OCLN: variants seen among roughly 807,000 people sequenced by gnomAD.
OCLN encodes the protein occludin, also known as phosphatase 1, regulatory subunit 115.
OCLN carries 21 observed loss-of-function variants against 47.9 expected under a neutral mutation model. The ratio of observed to expected loss-of-function variants is 0.44; its 90% CI spans 0.31 to 0.63. The LOEUF (loss-of-function observed/expected upper bound fraction) is 0.63. OCLN is among the 30% of genes least tolerant of loss of function. The pLI is 0.08. For synonymous variants in OCLN, 117 were observed against 198.4 expected, an observed-to-expected ratio of 0.59 and a Z score of 3.45; for missense variants, 360 against 571.0, an observed-to-expected ratio of 0.63 and a Z score of 3.77.
At chr5:69,513,810 G>T in intron 3 of OCLN, 138 bp from the exon 4 acceptor site, 1 of 765,658 alleles carries the variant, frequency 1.3e-6, no homozygotes, top group Non-Finnish European at 2.2e-6. Context: ...GTAACTATTT[G>T]CTTCAGTTTT....
intron 4 of OCLN, among the ~76,000 whole-genome samples, chr5:69,520,563 A>T (rs1029076599): frequency 6.6e-6 from 1 of 152,038 alleles, no homozygotes; most frequent in Non-Finnish European, 1.5e-5. Context: ...AAGTGCTGGG[A>T]TTACAGGCGT....
chr5:69,515,352 C>T (rs1341412528), intron 4 of OCLN, among the ~76,000 whole-genome samples: 11 of 140,174 alleles, frequency 7.8e-5, no homozygotes, highest in African/African-American at 1.6e-4. Context: ...CCAGTAGGGG[C>T]GGCCGGGCAG....
chr5:69,509,407 A>AT lies in OCLN; in HGVS notation c.318dup (p.Gly107TrpfsTer7). On this transcript the variant is annotated frameshift_variant, in exon 3 of 9. Coordinates refer to ENST00000396442, the MANE Select transcript of OCLN (RefSeq NM_001205254.2). LOFTEE classifies it high-confidence loss of function. Reference sequence around the variant, plus strand: ...TTAGGAGGTAGTGTAGGCTACCCTTATGGAGGAAGTGGCTTTGGTAGCTAC... The same window carrying AT: ...TTAGGAGGTAGTGTAGGCTACCCTTATTGGAGGAAGTGGCTTTGGTAGCTAC... The AT allele has an allele frequency of 6.2e-7, 1 of 1,614,138 alleles. No homozygotes were observed. The highest frequency in any genetic ancestry group is 8.5e-7 in the Non-Finnish European group (1 of 1,180,016).
chr5:69,514,105 A>G lies in OCLN; in HGVS notation c.887A>G (p.Glu296Gly), dbSNP rs756282294. 1.2e-6 allele frequency: 2 copies of G among 1,613,890 alleles called. No homozygotes were observed. Among genetic ancestry groups the G allele is most frequent in the Non-Finnish European group, 1.7e-6 (2 of 1,179,770 alleles). Residue 296 changes from glutamate to glycine, a missense_variant, in exon 4 of 9, where the codon GAG becomes GGG. Transcript: ENST00000396442. ...IYDEQPPNVE[E>G]WVKNVSAGTQ... Reference sequence around the variant, plus strand: ...GATGAGCAGCCCCCCAATGTCGAGGAGTGGGTAAGTGTTAAAAAATAACTT... The same window carrying G: ...GATGAGCAGCCCCCCAATGTCGAGGGGTGGGTAAGTGTTAAAAAATAACTT...
chr5:69,511,796 G>T (rs1768795312), intron 3 of OCLN, among the ~76,000 whole-genome samples: 1 of 152,116 alleles, frequency 6.6e-6, no homozygotes, highest in African/African-American at 2.4e-5. Flanking sequence ...AGGCCAAGGT[G>T]GGCGGATCAC....
At chr5:69,538,118 A>T (rs1769640302) in intron 5 of OCLN, among the ~76,000 whole-genome samples, 1 of 151,124 alleles carries the variant, frequency 6.6e-6, no homozygotes, top group Admixed American at 6.6e-5. Context: ...ACATAATTGC[A>T]TTTGCCGTAT....
chr5:69,502,662 A>G (rs1410471675), intron 1 of OCLN, among the ~76,000 whole-genome samples: 6 of 152,220 alleles, frequency 3.9e-5, no homozygotes, highest in Admixed American at 3.3e-4. Flanking sequence ...AGTGGCATGA[A>G]GTTCTGTAGC....
intron 7 of OCLN, among the ~76,000 whole-genome samples, chr5:69,549,106 G>A (rs1207530476): frequency 1.1e-4 from 16 of 149,520 alleles, no homozygotes; most frequent in East Asian, 3.9e-4. Flanking sequence ...CGAGGTGGGC[G>A]GATCATGAGG....
intron 1 of OCLN, among the ~76,000 whole-genome samples, chr5:69,494,794 A>G (rs932468864): frequency 1.1e-4 from 16 of 152,190 alleles, no homozygotes; most frequent in South Asian, 2.1e-4. Flanking sequence ...TCTAAAAGGC[A>G]GGCCTTAGTA....
chr5:69,521,905 C>T (rs1367176634), intron 4 of OCLN, among the ~76,000 whole-genome samples: 1 of 152,162 alleles, frequency 6.6e-6, no homozygotes, highest in African/African-American at 2.4e-5. Context: ...TTCGTTCTTT[C>T]CTGACTAGAG....
At chr5:69,506,945 TAGG>T (rs1768623771) in intron 2 of OCLN, among the ~76,000 whole-genome samples, 1 of 152,166 alleles carries the variant, frequency 6.6e-6, no homozygotes, top group African/African-American at 2.4e-5. Flanking sequence ...AGAACATATG[TAGG>T]AGATCATGAG....
intron 1 of OCLN, among the ~76,000 whole-genome samples, chr5:69,503,044 A>G (rs1052781637): frequency 6.6e-6 from 1 of 152,200 alleles, no homozygotes; most frequent in African/African-American, 2.4e-5. Context: ...CCCTCTTTGC[A>G]TCTGTAAAGT....
At chr5:69,516,462 G>C (rs888341353) in intron 4 of OCLN, among the ~76,000 whole-genome samples, 17 of 152,012 alleles carry the variant, frequency 1.1e-4, no homozygotes, top group African/African-American at 4.1e-4. Context: ...GTCCAGCTTC[G>C]GCTCGGCATC....
At chr5:69,530,959 T>C (rs1769413490) in intron 4 of OCLN, among the ~76,000 whole-genome samples, 1 of 152,222 alleles carries the variant, frequency 6.6e-6, no homozygotes, top group South Asian at 2.1e-4. Flanking sequence ...TGTGGTCCTT[T>C]GGAGACTCGA....
intron 7 of OCLN, among the ~76,000 whole-genome samples, chr5:69,550,591 A>C (rs1015266989): frequency 7.6e-6 from 1 of 130,806 alleles, no homozygotes; most frequent in Non-Finnish European, 1.7e-5. Context: ...GAGAGACTGC[A>C]CCAACTGTGT....
chr5:69,499,981 C>T (rs1768410718), intron 1 of OCLN, among the ~76,000 whole-genome samples: 1 of 152,186 alleles, frequency 6.6e-6, no homozygotes. Flanking sequence ...GATTGCGAGC[C>T]AGTAAATGGG....
chr5:69,532,201 C>T (rs981791553), intron 4 of OCLN, among the ~76,000 whole-genome samples: 6 of 151,706 alleles, frequency 4.0e-5, no homozygotes, highest in Admixed American at 3.3e-4. Flanking sequence ...GGTTGGCAGA[C>T]CTGGGGTGAG....
chr5:69,508,433 C>T (rs961024054), intron 2 of OCLN, among the ~76,000 whole-genome samples: 4 of 151,542 alleles, frequency 2.6e-5, no homozygotes, highest in African/African-American at 2.4e-5. Context: ...CTCCACCTCC[C>T]GGGTTCAAGC....
chr5:69,517,438 G>A (rs1043381886), intron 4 of OCLN, among the ~76,000 whole-genome samples: 3 of 151,712 alleles, frequency 2.0e-5, no homozygotes, highest in Non-Finnish European at 4.4e-5. Flanking sequence ...GGCCTCCCGA[G>A]TAGCTAGGAC....
Sources: allele counts gnomAD v4.1 joint callset (sites outside exome capture counted in the v4.1 genomes callset), GRCh38; gene constraint gnomAD v4.1.1; transcripts MANE v1.5; gene names NCBI Gene and HGNC (gene_info 2026-07-23, HGNC 2026-07-21).